SORBS2: variants seen among roughly 807,000 people sequenced by gnomAD.
SORBS2 encodes sorbin and SH3 domain-containing protein 2.
Under a neutral mutation model 97.7 loss-of-function variants are expected in SORBS2, and 46 were observed. That is an observed-to-expected ratio of 0.47 (90% CI 0.37 to 0.60). The LOEUF is 0.60. Ranked by LOEUF, SORBS2 falls within the 20% of genes least tolerant of loss-of-function variation. The probability of loss-of-function intolerance (pLI) is 0.00; values close to 1 mark genes in which losing one functional copy is unlikely to be tolerated. For missense variants in SORBS2, 1,316 were observed against 1,282.3 expected (o/e 1.03, Z -0.40); for synonymous variants, 476 against 473.4 (o/e 1.01, Z -0.07).
At chr4:185,673,178 A>G (rs4340826) in intron 4 of SORBS2, among the ~76,000 whole-genome samples, 26,084 of 152,146 alleles carry the variant, frequency 0.17, 2,601 homozygotes, top group African/African-American at 0.27. Context: ...GAAGGGGGAT[A>G]TGAGTTGCTA....
exon 1 of SORBS2, chr4:185,656,660 C>G (rs748110480): frequency 1.9e-6 from 3 of 1,550,942 alleles, no homozygotes. Flanking sequence ...CTTCCTTCTC[C>G]CGGCTGGCAC....
chr4:185,753,089 A>G (rs1004230027), intron 2 of SORBS2, among the ~76,000 whole-genome samples: 4 of 152,256 alleles, frequency 2.6e-5, no homozygotes, highest in Non-Finnish European at 1.5e-5. Context: ...TGGCTGCTAC[A>G]GCACGTTAGC....
In SORBS2 at chr4:185,678,838, A is replaced by AT; in HGVS notation, c.-197-17dup. ...GAATCACGCCCTGAAAGAAAAAAAA[A>AT]TGTTGAAATTAAGACTAAGGTGAAA... On this transcript the variant is annotated splice_polypyrimidine_tract_variant and intron_variant, in intron 2 of 20. Transcript: ENST00000284776. 9.2e-6 allele frequency: 13 copies of AT among 1,420,348 alleles called. No individual in the cohort carries two copies. Among genetic ancestry groups the AT allele is most frequent in the East Asian group, 2.7e-5 (1 of 37,324 alleles). The allele number at this position is 1,420,348 out of a possible 1,614,324, so 88.0% of individuals were successfully genotyped here.
intron 2 of SORBS2, among the ~76,000 whole-genome samples, chr4:185,733,840 C>T (rs2098663194): frequency 6.6e-6 from 1 of 152,130 alleles, no homozygotes; most frequent in African/African-American, 2.4e-5. Flanking sequence ...CTCTGATGTT[C>T]CCCTGCCCTC....
intron 13 of SORBS2, among the ~76,000 whole-genome samples, chr4:185,590,031 G>A (rs1040379037): frequency 3.9e-5 from 6 of 152,024 alleles, no homozygotes; most frequent in Non-Finnish European, 7.4e-5. Context: ...AACTCACGAG[G>A]AATATCCATG....
chr4:185,666,491 A>G lies in SORBS2; in HGVS notation c.-45-4249T>C, dbSNP rs528366728. ...GTTGGCATAACGAAACTGTTTCCTC[A>G]GGAGTTTTAGTTTTTGTATTTGTGA... On this transcript the variant is annotated intron_variant, in intron 4 of 20. Transcript: ENST00000284776. Among the ~76,000 whole-genome samples the G allele has an allele frequency of 1.8e-3, 277 of 152,292 alleles. 3 individuals are homozygous for G. The highest frequency in any genetic ancestry group is 3.4e-3 in the Non-Finnish European group (231 of 68,010).
chr4:185,734,540 G>T (rs1486889504), intron 2 of SORBS2, among the ~76,000 whole-genome samples: 2 of 152,072 alleles, frequency 1.3e-5, no homozygotes, highest in African/African-American at 4.8e-5. Flanking sequence ...CTCTGACAAA[G>T]CTTCCTGTGT....
At chr4:185,789,518 T>G (rs2153644707) in intron 1 of SORBS2, among the ~76,000 whole-genome samples, 1 of 150,840 alleles carries the variant, frequency 6.6e-6, no homozygotes, top group African/African-American at 2.4e-5. Context: ...GAGTAATTGC[T>G]TATCAAATAT....
chr4:185,947,527 C>A (rs560561540), intron 1 of SORBS2, among the ~76,000 whole-genome samples: 1 of 152,190 alleles, frequency 6.6e-6, no homozygotes, highest in South Asian at 2.1e-4. Context: ...CTTCCAATTG[C>A]CAGCTCTGTG....
chr4:185,925,748 C>G (rs183351704), intron 1 of SORBS2, among the ~76,000 whole-genome samples: 1 of 152,078 alleles, frequency 6.6e-6, no homozygotes, highest in African/African-American at 2.4e-5. Flanking sequence ...TACCTCCTCT[C>G]AGAGTTACGA....
intron 11 of SORBS2, 90 bp downstream of exon 23, chr4:185,614,741 C>T (rs2096602272): frequency 2.8e-6 from 4 of 1,435,150 alleles, no homozygotes; most frequent in Non-Finnish European, 3.8e-6. Context: ...AAAAAGATAA[C>T]CTATTTTAGT....
At chr4:185,724,020 T>C (rs2098537248) in intron 2 of SORBS2, among the ~76,000 whole-genome samples, 1 of 152,244 alleles carries the variant, frequency 6.6e-6, no homozygotes, top group Admixed American at 6.5e-5. Flanking sequence ...TTCCAAGTTA[T>C]TTCCTCCTCT....
intron 2 of SORBS2, 55 bp from the exon 4 acceptor site, chr4:185,690,666 T>C (rs746171138): frequency 6.4e-5 from 46 of 713,638 alleles, no homozygotes; most frequent in Non-Finnish European, 1.0e-4. Context: ...GAAAATATCA[T>C]GAAAGTGTGT....
At chr4:185,659,027 T>C (rs2097461710), upstream of SORBS2, among the ~76,000 whole-genome samples, 1 of 152,054 alleles carries the variant, frequency 6.6e-6, no homozygotes, top group African/African-American at 2.4e-5. Flanking sequence ...TTTTAAGAAA[T>C]TTTAACTCAT....
At chr4:185,622,946 C>G (rs544041329) in exon 7 of SORBS2, 1 of 1,612,842 alleles carries the variant, frequency 6.2e-7, no homozygotes, top group Admixed American at 1.7e-5. Flanking sequence ...TTGGTGGTGG[C>G]AGCTGCTGTT....
intron 2 of SORBS2, among the ~76,000 whole-genome samples, chr4:185,723,904 C>A (rs1171310424): frequency 6.6e-6 from 1 of 152,190 alleles, no homozygotes; most frequent in Non-Finnish European, 1.5e-5. Flanking sequence ...TTTTCAATCA[C>A]TTTGCTTACT....
chr4:185,615,790 A>G (rs28394060), intron 9 of SORBS2, among the ~76,000 whole-genome samples: 35,569 of 152,132 alleles, frequency 0.23, 5,283 homozygotes, highest in African/African-American at 0.42. Flanking sequence ...GTGCAAAGAC[A>G]TATGCCAATG....
chr4:185,859,185 A>G (rs570488367), intron 1 of SORBS2, among the ~76,000 whole-genome samples: 2 of 152,320 alleles, frequency 1.3e-5, no homozygotes, highest in African/African-American at 4.8e-5. Context: ...ACTAATGGCC[A>G]TAACGGGACT....
chr4:185,936,063 T>C (rs1473275877), intron 1 of SORBS2, among the ~76,000 whole-genome samples: 1 of 152,196 alleles, frequency 6.6e-6, no homozygotes, highest in Admixed American at 6.5e-5. Flanking sequence ...TGTTGCATGT[T>C]GGACAGGCTG....
Sources: gnomAD v4.1 joint callset for allele counts (sites outside exome capture counted in the v4.1 genomes callset) on GRCh38, gnomAD v4.1.1 for gene constraint, MANE v1.5 for transcripts, NCBI Gene and HGNC (gene_info 2026-07-23, HGNC 2026-07-21) for gene names.